EFL1: variants seen among roughly 807,000 people sequenced by gnomAD.
EFL1 encodes the protein elongation factor like GTPase 1, also known as elongation factor-like GTPase 1.
A neutral mutation model predicts 126.7 loss-of-function variants in EFL1; 76 were observed. The ratio of observed to expected loss-of-function variants is 0.60; its 90% CI spans 0.50 to 0.73. The LOEUF is 0.73. Ranked by LOEUF, EFL1 falls within the 30% of genes least tolerant of loss-of-function variation. The pLI, the probability that EFL1 is intolerant of heterozygous loss-of-function variation, is 0.00. For missense variants in EFL1, 1,128 were observed against 1,343.2 expected (o/e 0.84, Z 2.50); for synonymous variants, 410 against 448.4 (o/e 0.91, Z 1.08).
intron 15 of EFL1, among the ~76,000 whole-genome samples, chr15:82,165,532 C>T (rs1490289044): frequency 6.6e-6 from 1 of 152,166 alleles, no homozygotes; most frequent in Non-Finnish European, 1.5e-5. Flanking sequence ...AAACCTCCAT[C>T]TAACATCCAC....
chr15:82,198,615 A>G (rs2074434942), intron 15 of EFL1, among the ~76,000 whole-genome samples: 1 of 152,186 alleles, frequency 6.6e-6, no homozygotes, highest in Admixed American at 6.5e-5. Flanking sequence ...GTAACTAAGA[A>G]ATACAGGAAA....
intron 1 of EFL1, 154 bp from the exon 2 acceptor site, chr15:82,261,951 T>G: frequency 1.7e-6 from 1 of 576,132 alleles, no homozygotes. Context: ...CACCAAGGCC[T>G]AAGTCCAGTT....
At chr15:82,137,101 T>C (rs1008565616) in intron 19 of EFL1, among the ~76,000 whole-genome samples, 6 of 152,144 alleles carry the variant, frequency 3.9e-5, no homozygotes, top group Non-Finnish European at 5.9e-5. Flanking sequence ...TTAGATGATA[T>C]GAACTTGCTG....
chr15:82,157,880 T>C lies in EFL1; in HGVS notation c.1883-20A>G, dbSNP rs759755447. 1.2e-6 allele frequency: 2 copies of C among 1,605,564 alleles called. No homozygotes were observed. Among genetic ancestry groups the C allele is most frequent in the South Asian group, 1.1e-5 (1 of 90,202 alleles). On this transcript the variant is annotated intron_variant, in intron 16 of 19. Coordinates refer to ENST00000268206, the MANE Select transcript of EFL1 (RefSeq NM_024580.6). ...TTTCACCTAGGTTAACAAAACGAAATAGATTAAATATGATATAAGAACTAA... is the reference window on the plus strand; with the variant it reads ...TTTCACCTAGGTTAACAAAACGAAACAGATTAAATATGATATAAGAACTAA...
chr15:82,166,777 C>T (rs995051873), intron 15 of EFL1, among the ~76,000 whole-genome samples: 3 of 152,188 alleles, frequency 2.0e-5, no homozygotes, highest in African/African-American at 4.8e-5. Context: ...TATTGTCACA[C>T]ATAATTTACA....
intron 4 of EFL1, among the ~76,000 whole-genome samples, chr15:82,243,594 T>C (rs539440044): frequency 1.1e-5 from 1 of 89,866 alleles, no homozygotes; most frequent in East Asian, 3.1e-4. Flanking sequence ...CGGGACCTGA[T>C]ACTGAAGTTT....
intron 15 of EFL1, among the ~76,000 whole-genome samples, chr15:82,164,527 T>C (rs1043992348): frequency 6.6e-6 from 1 of 152,182 alleles, no homozygotes; most frequent in Non-Finnish European, 1.5e-5. Flanking sequence ...TTCAGACTTT[T>C]GGCTGATGAT....
intron 17 of EFL1, among the ~76,000 whole-genome samples, chr15:82,156,145 T>C (rs1256243260): frequency 6.6e-6 from 1 of 152,214 alleles, no homozygotes; most frequent in African/African-American, 2.4e-5. Context: ...TCTTATACTA[T>C]CTTCTAAACA....
At chr15:82,226,153 ATTG>A (rs71695485) in intron 11 of EFL1, among the ~76,000 whole-genome samples, 7,331 of 152,014 alleles carry the variant, frequency 0.048, 301 homozygotes, top group African/African-American at 0.12. Flanking sequence ...TAGTTGTTTC[ATTG>A]TTGTTGTTGT....
At chr15:82,214,048 C>T (rs2074616965) in intron 15 of EFL1, among the ~76,000 whole-genome samples, 1 of 152,160 alleles carries the variant, frequency 6.6e-6, no homozygotes, top group Admixed American at 6.5e-5. Flanking sequence ...AGCAATCACT[C>T]AATAAATAGC....
chr15:82,238,997 T>C (rs1196293600), intron 6 of EFL1, among the ~76,000 whole-genome samples: 5 of 152,166 alleles, frequency 3.3e-5, no homozygotes, highest in African/African-American at 9.7e-5. Flanking sequence ...TCTTATGTCC[T>C]ACCTCAGAGA....
chr15:82,171,926 T>C (rs1290581731), intron 15 of EFL1, among the ~76,000 whole-genome samples: 1 of 151,922 alleles, frequency 6.6e-6, no homozygotes, highest in African/African-American at 2.4e-5. Flanking sequence ...TACAAAGAGA[T>C]GCTTTCAATG....
At chr15:82,204,963 G>GAAATAGGATTAGTAGGGCCA (rs1386407061) in intron 15 of EFL1, among the ~76,000 whole-genome samples, 1 of 152,168 alleles carries the variant, frequency 6.6e-6, no homozygotes, top group African/African-American at 2.4e-5. Context: ...TACTGTACCT[G>GAAATAGGATTAGTAGGGCCA]AAATAGGATT....
chr15:82,194,232 A>G (rs571570883), intron 15 of EFL1, among the ~76,000 whole-genome samples: 6 of 152,296 alleles, frequency 3.9e-5, no homozygotes, highest in South Asian at 2.1e-4. Flanking sequence ...ATTCTAGACT[A>G]GACCAAATTT....
intron 14 of EFL1, among the ~76,000 whole-genome samples, chr15:82,215,407 A>G (rs1352778764): frequency 1.3e-5 from 2 of 152,166 alleles, no homozygotes; most frequent in African/African-American, 4.8e-5. Flanking sequence ...ATGGAAGAGC[A>G]TGCTGTGATA....
chr15:82,257,675 A>G (rs1354565731), intron 3 of EFL1, among the ~76,000 whole-genome samples: 1 of 152,110 alleles, frequency 6.6e-6, no homozygotes, highest in Non-Finnish European at 1.5e-5. Context: ...TTCCCCTATT[A>G]TATCTATCTT....
intron 4 of EFL1, among the ~76,000 whole-genome samples, chr15:82,244,431 G>T (rs2074952820): frequency 1.3e-5 from 2 of 152,114 alleles, no homozygotes; most frequent in Non-Finnish European, 2.9e-5. Flanking sequence ...TTTTAAGCAT[G>T]CTAAATGATC....
chr15:82,131,904 G>A (rs1243339065), intron 19 of EFL1, among the ~76,000 whole-genome samples: 1 of 152,080 alleles, frequency 6.6e-6, no homozygotes, highest in Non-Finnish European at 1.5e-5. Context: ...GGCACAGAGA[G>A]ATGGAGATTA....
At chr15:82,148,546 C>G (rs2073873788) in intron 18 of EFL1, among the ~76,000 whole-genome samples, 1 of 152,040 alleles carries the variant, frequency 6.6e-6, no homozygotes, top group South Asian at 2.1e-4. Context: ...GTTCGCAATA[C>G]CTATGTTACC....
Sources: gnomAD v4.1 joint callset for allele counts (sites outside exome capture counted in the v4.1 genomes callset) on GRCh38, gnomAD v4.1.1 for gene constraint, MANE v1.5 for transcripts, NCBI Gene and HGNC (gene_info 2026-07-23, HGNC 2026-07-21) for gene names.